FGGY: variants seen among roughly 807,000 people sequenced by gnomAD.
FGGY encodes the protein FGGY carbohydrate kinase domain-containing protein.
In FGGY, 72 loss-of-function variants were observed where a neutral mutation model predicts 71.3. The ratio of observed to expected loss-of-function variants is 1.01; its 90% CI spans 0.84 to 1.23. The LOEUF (loss-of-function observed/expected upper bound fraction) is 1.23, where lower values mean the gene tolerates loss of function less well. Ranked by LOEUF, FGGY falls within the 50% of genes most tolerant of loss-of-function variation. The probability of loss-of-function intolerance (pLI) is 0.00; values close to 1 mark genes in which losing one functional copy is unlikely to be tolerated. For missense variants in FGGY, 668 were observed against 682.3 expected (o/e 0.98, Z 0.23); for synonymous variants, 251 against 250.3 (o/e 1.00, Z -0.02).
chr1:59,587,334 G>A (rs931555884), intron 8 of FGGY, among the ~76,000 whole-genome samples: 2 of 152,080 alleles, frequency 1.3e-5, no homozygotes, highest in African/African-American at 4.8e-5. Flanking sequence ...AAGGAGGCCT[G>A]CCTGCCTCTG....
intron 14 of FGGY, among the ~76,000 whole-genome samples, chr1:59,748,774 G>A (rs1480563451): frequency 1.3e-5 from 2 of 152,162 alleles, no homozygotes; most frequent in African/African-American, 4.8e-5. Context: ...TCAAAGAAAG[G>A]AAAGCCAAGG....
intron 5 of FGGY, among the ~76,000 whole-genome samples, chr1:59,388,072 T>C (rs1233987494): frequency 6.6e-6 from 1 of 152,102 alleles, no homozygotes; most frequent in Non-Finnish European, 1.5e-5. Context: ...ACTTCTAATA[T>C]ACTAGATGGA....
chr1:59,509,250 G>A (rs2094463316), intron 6 of FGGY, among the ~76,000 whole-genome samples: 1 of 152,112 alleles, frequency 6.6e-6, no homozygotes, highest in Non-Finnish European at 1.5e-5. Flanking sequence ...AATCCCTTCT[G>A]TCTGCCTCTG....
chr1:59,623,877 A>G (rs989463910), intron 9 of FGGY, among the ~76,000 whole-genome samples: 2 of 152,182 alleles, frequency 1.3e-5, no homozygotes, highest in African/African-American at 4.8e-5. Context: ...TACACCACAC[A>G]TGCTAGGTTC....
At chr1:59,372,545 C>A (rs963993175) in intron 4 of FGGY, among the ~76,000 whole-genome samples, 44 of 152,134 alleles carry the variant, frequency 2.9e-4, no homozygotes, top group Admixed American at 9.2e-4. Context: ...GGGAATCCTC[C>A]CTAACTCATT....
At chr1:59,417,897 T>C (rs939072005) in intron 5 of FGGY, among the ~76,000 whole-genome samples, 7 of 152,218 alleles carry the variant, frequency 4.6e-5, no homozygotes, top group African/African-American at 1.4e-4. Context: ...ACATTTCAAG[T>C]GCTCAGTTGC....
chr1:59,475,494 C>T (rs2093219896), intron 6 of FGGY, among the ~76,000 whole-genome samples: 1 of 152,124 alleles, frequency 6.6e-6, no homozygotes, highest in African/African-American at 2.4e-5. Context: ...TTTTTTCTTC[C>T]ACCAAACTTG....
intron 1 of FGGY, among the ~76,000 whole-genome samples, chr1:59,305,823 G>A (rs1003922461): frequency 4.6e-5 from 7 of 152,084 alleles, no homozygotes; most frequent in South Asian, 2.1e-4. Context: ...GCATTAGTAC[G>A]GATGATTAGT....
chr1:59,550,577 G>C (rs190725535), intron 7 of FGGY, among the ~76,000 whole-genome samples: 29 of 152,240 alleles, frequency 1.9e-4, no homozygotes, highest in African/African-American at 6.3e-4. Context: ...GAGAAGCACT[G>C]TGTATATACT....
chr1:59,566,917 G>A (rs1172707214), intron 8 of FGGY, among the ~76,000 whole-genome samples: 1 of 152,144 alleles, frequency 6.6e-6, no homozygotes, highest in African/African-American at 2.4e-5. Flanking sequence ...GATGATACTA[G>A]TGTGTGGTCT....
chr1:59,324,709 C>T (rs945806605), intron 2 of FGGY, among the ~76,000 whole-genome samples: 6 of 152,214 alleles, frequency 3.9e-5, no homozygotes, highest in Non-Finnish European at 7.3e-5. Context: ...CCTGCCACTG[C>T]TACTGCTCTC....
intron 6 of FGGY, among the ~76,000 whole-genome samples, chr1:59,477,259 T>C (rs1291284700): frequency 1.3e-5 from 2 of 152,194 alleles, no homozygotes; most frequent in Admixed American, 6.5e-5. Flanking sequence ...CCCTTACCTC[T>C]GACTTTGTAG....
chr1:59,536,408 T>G (rs1489691517), intron 7 of FGGY, among the ~76,000 whole-genome samples: 9 of 151,796 alleles, frequency 5.9e-5, no homozygotes, highest in Non-Finnish European at 1.3e-4. Context: ...GTACAAGGAG[T>G]AAGTGGTACC....
At chr1:59,612,031 C>A (rs972506474) in intron 9 of FGGY, among the ~76,000 whole-genome samples, 2 of 152,136 alleles carry the variant, frequency 1.3e-5, no homozygotes, top group African/African-American at 4.8e-5. Context: ...GATTAGTGTA[C>A]CTGAAAGTGA....
chr1:59,707,517 CAA>C (rs776092021), intron 14 of FGGY, among the ~76,000 whole-genome samples: 4 of 152,274 alleles, frequency 2.6e-5, no homozygotes, highest in Middle Eastern at 3.4e-3. Flanking sequence ...GCCTGAAAGA[CAA>C]GAGAGTGTTT....
chr1:59,729,201 CATTATT>C (rs1223549505), intron 14 of FGGY, among the ~76,000 whole-genome samples: 3 of 151,416 alleles, frequency 2.0e-5, no homozygotes, highest in Admixed American at 6.6e-5. Flanking sequence ...TTATTATTAT[CATTATT>C]ATTATTATTA....
intron 14 of FGGY, among the ~76,000 whole-genome samples, chr1:59,712,948 C>T (rs939536022): frequency 6.6e-6 from 1 of 152,222 alleles, no homozygotes; most frequent in African/African-American, 2.4e-5. Context: ...ATTGCATTGT[C>T]AGGCTGCAAA....
At chr1:59,734,539 A>G (rs1452619494) in intron 14 of FGGY, among the ~76,000 whole-genome samples, 2 of 152,104 alleles carry the variant, frequency 1.3e-5, no homozygotes, top group Non-Finnish European at 2.9e-5. Flanking sequence ...TGCTAGACAC[A>G]TGCTTCCCCC....
intron 4 of FGGY, among the ~76,000 whole-genome samples, chr1:59,361,901 A>G (rs2055613569): frequency 6.6e-6 from 1 of 152,142 alleles, no homozygotes; most frequent in Non-Finnish European, 1.5e-5. Flanking sequence ...GTGGGACTGA[A>G]TACTAGACAG....
Sources: gnomAD v4.1 joint callset for allele counts (sites outside exome capture counted in the v4.1 genomes callset) on GRCh38, gnomAD v4.1.1 for gene constraint, MANE v1.5 for transcripts, NCBI Gene and HGNC (gene_info 2026-07-23, HGNC 2026-07-21) for gene names.